Variants in NEK5 observed in about 807,000 individuals in gnomAD.
The protein encoded by NEK5 is serine/threonine-protein kinase Nek5.
A neutral mutation model predicts 109.2 loss-of-function variants in NEK5; 88 were observed. That is an observed-to-expected ratio of 0.81 (90% CI 0.68 to 0.96). The LOEUF is 0.96. Ranked by LOEUF, NEK5 falls within the 40% of genes least tolerant of loss-of-function variation. The probability of loss-of-function intolerance (pLI) is 0.00; values close to 1 mark genes in which losing one functional copy is unlikely to be tolerated. For missense variants in NEK5, 834 were observed against 920.7 expected (o/e 0.91, Z 1.22); for synonymous variants, 283 against 299.9 (o/e 0.94, Z 0.58).
chr13:52,056,067 G>A (rs1473526764), intron 22 of NEK5, among the ~76,000 whole-genome samples: 2 of 152,074 alleles, frequency 1.3e-5, no homozygotes, highest in Non-Finnish European at 2.9e-5. Context: ...CACATGCAGA[G>A]ACACACATAC....
In NEK5 at chr13:52,083,358, A is replaced by T; in HGVS notation, c.1480-6T>A. The T allele has an allele frequency of 6.4e-7, 1 of 1,566,354 alleles. No individual in the cohort carries two copies. The highest frequency in any genetic ancestry group is 8.8e-7 in the Non-Finnish European group (1 of 1,136,956). ...TGACTTATTTTTGAGTTCTCCTTTAACACAAATTATACACAGTCAACAAGA... is the reference window on the plus strand; with the variant it reads ...TGACTTATTTTTGAGTTCTCCTTTATCACAAATTATACACAGTCAACAAGA... On this transcript the variant is annotated splice_region_variant and splice_polypyrimidine_tract_variant and intron_variant, in intron 16 of 23. Transcript: ENST00000684899.
At chr13:52,042,033 G>C (rs1160733392) in intron 23 of NEK5, among the ~76,000 whole-genome samples, 5 of 151,912 alleles carry the variant, frequency 3.3e-5, no homozygotes, top group Admixed American at 6.6e-5. Context: ...AAGTATCAGG[G>C]AGAAAGTTAG....
chr13:52,116,091 G>T (rs552645414), intron 4 of NEK5, among the ~76,000 whole-genome samples: 1 of 150,042 alleles, frequency 6.7e-6, no homozygotes, highest in South Asian at 2.1e-4. Context: ...TGAGGTGGGA[G>T]GATCCCTTAA....
intron 3 of NEK5, among the ~76,000 whole-genome samples, chr13:52,121,472 T>C (rs1446837656): frequency 6.6e-6 from 1 of 152,224 alleles, no homozygotes. Flanking sequence ...TGACTAATTC[T>C]TCTAGAAATT....
intron 23 of NEK5, 36 bp from the exon 24 acceptor site, chr13:52,037,254 A>T: frequency 1.1e-6 from 1 of 923,612 alleles, no homozygotes; most frequent in Non-Finnish European, 1.3e-6. Context: ...GCATTATGAT[A>T]TGAAAGTACT....
chr13:52,061,687 G>T, intron 22 of NEK5, 132 bp downstream of exon 22: 1 of 190,362 alleles, frequency 5.3e-6, no homozygotes, highest in Non-Finnish European at 9.7e-6. Context: ...AAGCAAATCA[G>T]CTTCTGAAAA....
rs930709252 is a variant in NEK5 at position 52,097,322 on chromosome 13, C to T, written c.1026+2421G>A. Among the ~76,000 whole-genome samples the T allele has an allele frequency of 6.6e-5, 10 of 152,274 alleles. No homozygotes were observed. The East Asian group carries it at 9.7e-4, about 15-fold the overall frequency. ...CTGACTCCAAAAACGGTAGATTGAA[C>T]GACAGCTTGCACCACGCACCTGGAA... On this transcript the variant is annotated intron_variant, in intron 12 of 23. Coordinates refer to ENST00000684899, the MANE Select transcript of NEK5 (RefSeq NM_001365552.1).
At chr13:52,059,592 G>C (rs1022606896) in intron 22 of NEK5, among the ~76,000 whole-genome samples, 1 of 151,664 alleles carries the variant, frequency 6.6e-6, no homozygotes, top group African/African-American at 2.4e-5. Flanking sequence ...AAGAAAATGT[G>C]GCACATATAC....
intron 23 of NEK5, among the ~76,000 whole-genome samples, chr13:52,045,223 C>G (rs1482742007): frequency 6.8e-6 from 1 of 147,762 alleles, no homozygotes; most frequent in Admixed American, 6.7e-5. Flanking sequence ...TCTGCCTCCC[C>G]GGTTCACGCC....
chr13:52,065,498 G>T lies in NEK5; in HGVS notation c.1961C>A (p.Pro654His), dbSNP rs1274163058. The change falls in exon 21 of 24, where the codon CCC becomes CAC. Residue 654 changes from proline (P) to histidine (H), a missense_variant. Coordinates refer to ENST00000684899, the MANE Select transcript of NEK5 (RefSeq NM_001365552.1). ...CACAGACTCACTGTCAGGCCCCGTG[G>T]GGCAGGTGGAGGTGATGTCGGCCAC... Reference protein sequence around the residue: ...MAVADITSTCPTGPDNGQVIV... With the variant: ...MAVADITSTCHTGPDNGQVIV... 1 of 1,613,926 alleles carries T rather than the reference G, an allele frequency of 6.2e-7. No individual in the cohort carries two copies. Among genetic ancestry groups the T allele is most frequent in the Non-Finnish European group, 8.5e-7 (1 of 1,179,904 alleles).
intron 4 of NEK5, among the ~76,000 whole-genome samples, chr13:52,115,767 A>G (rs1955845896): frequency 6.6e-6 from 1 of 152,120 alleles, no homozygotes. Context: ...TGTAAAGCTC[A>G]TGGATCACTG....
chr13:52,122,273 T>C (rs374670892), intron 3 of NEK5, among the ~76,000 whole-genome samples: 3 of 152,176 alleles, frequency 2.0e-5, no homozygotes, highest in Admixed American at 2.0e-4. Flanking sequence ...TTTTAAGTGG[T>C]TGTGAAGATT....
intron 19 of NEK5, among the ~76,000 whole-genome samples, chr13:52,072,947 A>G (rs1345493788): frequency 6.6e-6 from 1 of 152,232 alleles, no homozygotes; most frequent in African/African-American, 2.4e-5. Context: ...AAATCAACTA[A>G]TAAAATGAAA....
chr13:52,058,545 T>C (rs1954583142), intron 22 of NEK5, among the ~76,000 whole-genome samples: 1 of 152,002 alleles, frequency 6.6e-6, no homozygotes, highest in African/African-American at 2.4e-5. Flanking sequence ...CTACCTGACT[T>C]CAAACTATAC....
chr13:52,087,333 T>C lies in NEK5; in HGVS notation c.1392+5A>G. On this transcript the variant is annotated splice_donor_5th_base_variant and intron_variant, in intron 15 of 23. Transcript: ENST00000684899. ...GGGTAGCCCTGGAATTAAACAGTTT[T>C]TAACCTGTTCCTTCATTTCGTTTTT... The C allele has an allele frequency of 7.0e-7, 1 of 1,419,500 alleles. No homozygotes were observed. Among genetic ancestry groups the C allele is most frequent in the South Asian group, 1.2e-5 (1 of 86,680 alleles). The allele number at this position is 1,419,500 out of a possible 1,614,324, so 87.9% of individuals were successfully genotyped here.
rs1955489434 is a variant in NEK5 at position 52,099,668 on chromosome 13, C to G, written c.1026+75G>C. ...CTGGCGACAGAGCGAGACTCCGTCT[C>G]AAAACAAACAAACAAACAAACAAAA... is the stretch of plus-strand genomic sequence containing the variant. On this transcript the variant is annotated intron_variant, in intron 12 of 23. Coordinates refer to ENST00000684899, the MANE Select transcript of NEK5 (RefSeq NM_001365552.1). The G allele has an allele frequency of 9.2e-6, 14 of 1,520,112 alleles. No homozygotes were observed. The South Asian group carries it at 1.6e-4, about 17-fold the overall frequency. 94.2% of individuals were successfully genotyped at this position (1,520,112 alleles called of 1,614,324 possible).
At position 52,110,366 on chromosome 13, in the gene NEK5, G is replaced by A. The variant is rs376456204; in HGVS notation, c.441C>T (p.Asp147=). The change falls in exon 7 of 24, where the codon GAC becomes GAT. Residue 147 remains aspartate (D), a synonymous_variant. Transcript: ENST00000684899. ...SKNGMVAKLG[D]FGIARVLNNS... ...TATTCAGGACTCTTGCTATACCAAAGTCCCCAAGCTTTGCCACCATTCCGT... is the reference window on the plus strand; with the variant it reads ...TATTCAGGACTCTTGCTATACCAAAATCCCCAAGCTTTGCCACCATTCCGT... 8.7e-6 allele frequency: 14 copies of A among 1,612,940 alleles called. No homozygotes were observed. The African/African-American group carries it at 1.1e-4, about 12-fold the overall frequency.
intron 17 of NEK5, among the ~76,000 whole-genome samples, chr13:52,081,216 T>C (rs1955006648): frequency 6.6e-6 from 1 of 152,204 alleles, no homozygotes; most frequent in African/African-American, 2.4e-5. Flanking sequence ...TCTTATTATA[T>C]AGCTGCATAT....
rs1289893962 is a variant in NEK5, at chr13:52,119,424, C to T, written c.118-9G>A. 1.4e-6 allele frequency: 2 copies of T among 1,424,258 alleles called. No individual in the cohort carries two copies. Among genetic ancestry groups the T allele is most frequent in the South Asian group, 1.2e-5 (1 of 82,066 alleles). The allele number at this position is 1,424,258 out of a possible 1,614,324, so 88.2% of individuals were successfully genotyped here. ...TTTTCTTGTATGGGCATCTAAATTA[C>T]ATTAAGAGACAGAGTAGTCTATAAA... is the stretch of plus-strand genomic sequence containing the variant. On this transcript the variant is annotated splice_polypyrimidine_tract_variant and intron_variant, in intron 3 of 23. Transcript: ENST00000684899.
Sources: gnomAD v4.1 joint callset for allele counts (sites outside exome capture counted in the v4.1 genomes callset) on GRCh38, gnomAD v4.1.1 for gene constraint, MANE v1.5 for transcripts, NCBI Gene and HGNC (gene_info 2026-07-23, HGNC 2026-07-21) for gene names.